PCDHGA5: variants seen among roughly 807,000 people sequenced by gnomAD.
The protein encoded by PCDHGA5 is protocadherin gamma-A5.
PCDHGA5 carries 36 observed loss-of-function variants against 56.7 expected under a neutral mutation model. The observed-to-expected ratio is 0.64, with a 90% CI of 0.49 to 0.84. The LOEUF (loss-of-function observed/expected upper bound fraction) is 0.84, where lower values mean the gene tolerates loss of function less well. Ranked by LOEUF, PCDHGA5 falls within the 40% of genes least tolerant of loss-of-function variation. PCDHGA5 has a pLI of 0.00. For missense variants in PCDHGA5, 1,305 were observed against 1,201.5 expected, an observed-to-expected ratio of 1.09 and a Z score of -1.27; for synonymous variants, 563 against 520.2, an observed-to-expected ratio of 1.08 and a Z score of -1.12.
intron 1 of PCDHGA5, chr5:141,415,818 A>G: frequency 2.3e-6 from 3 of 1,325,056 alleles, no homozygotes; most frequent in Middle Eastern, 2.8e-4. Context: ...CCTATATATC[A>G]TAAGGCTTTG....
At chr5:141,435,902 A>G (rs896786345) in intron 1 of PCDHGA5, among the ~76,000 whole-genome samples, 1 of 152,194 alleles carries the variant, frequency 6.6e-6, no homozygotes, top group Non-Finnish European at 1.5e-5. Flanking sequence ...AATGAAAGAC[A>G]TCCAAGGGCT....
At chr5:141,404,215 G>T (rs1372288822) in intron 1 of PCDHGA5, 15 of 1,613,346 alleles carry the variant, frequency 9.3e-6, no homozygotes, top group Non-Finnish European at 1.3e-5. Context: ...ATAATATCAC[G>T]GTGACTGCAA....
At chr5:141,410,338 C>T (rs1050053577) in intron 1 of PCDHGA5, 35 of 1,613,900 alleles carry the variant, frequency 2.2e-5, no homozygotes, top group Non-Finnish European at 2.2e-5. Context: ...TGGCCATTGC[C>T]TTGCGCCTGC....
intron 1 of PCDHGA5, chr5:141,393,825 G>C: frequency 6.2e-7 from 1 of 1,613,964 alleles, no homozygotes; most frequent in Non-Finnish European, 8.5e-7. Flanking sequence ...CATTTCGGTG[G>C]AAGATGTAAA....
chr5:141,366,097 C>G lies in PCDHGA5; in HGVS notation c.1767C>G (p.Thr589=). 1.2e-6 allele frequency: 2 copies of G among 1,614,240 alleles called. No individual in the cohort carries two copies. The highest frequency in any genetic ancestry group is 1.3e-5 in the African/African-American group (1 of 75,080). Residue 589 remains threonine (T), a synonymous_variant, in exon 1 of 4, where the codon ACC becomes ACG. Transcript: ENST00000518069. ...PRSAEPGYLV[T]KVVAVDKDSG... ...CCGCAGAACCTGGCTACCTGGTGAC[C>G]AAGGTGGTAGCGGTGGACAAAGATT...
chr5:141,491,131 G>A lies in PCDHGA5; in HGVS notation c.2422-3676G>A. 1 of 1,614,182 alleles carries A rather than the reference G, an allele frequency of 6.2e-7. No individual in the cohort carries two copies. Among genetic ancestry groups the A allele is most frequent in the Non-Finnish European group, 8.5e-7 (1 of 1,180,008 alleles). ...TACACACACTGGTGAGGTGCGCACA[G>A]CCCGGGCCTTACTGGAGGATGACTC... On this transcript the variant is annotated intron_variant, in intron 1 of 3. Coordinates refer to ENST00000518069, the MANE Select transcript of PCDHGA5 (RefSeq NM_018918.3). This position sits in a 1 kb window ranked among gnomAD's most constrained non-coding sequence, Gnocchi z 6.9.
rs760070878 is a variant in PCDHGA5, at chr5:141,490,862, C to T, written c.2422-3945C>T. On this transcript the variant is annotated intron_variant, in intron 1 of 3. Coordinates refer to ENST00000518069, the MANE Select transcript of PCDHGA5 (RefSeq NM_018918.3). This position sits in a 1 kb window ranked among gnomAD's most constrained non-coding sequence, Gnocchi z 5.4. ...GTGGTGGGGGTTCGAGACTCCGGCTCTCCCCCATTGCATGCCAACACATCT... is the reference window on the plus strand; with the variant it reads ...GTGGTGGGGGTTCGAGACTCCGGCTTTCCCCCATTGCATGCCAACACATCT... 2.0e-5 allele frequency: 33 copies of T among 1,613,878 alleles called. No individual in the cohort carries two copies. Among genetic ancestry groups the T allele is most frequent in the Non-Finnish European group, 2.8e-5 (33 of 1,179,920 alleles).
At position 141,404,477 on chromosome 5, in the gene PCDHGA5, T is replaced by C. The variant is rs750187565; in HGVS notation, c.2421+37726T>C. On this transcript the variant is annotated intron_variant, in intron 1 of 3. Coordinates refer to ENST00000518069, the MANE Select transcript of PCDHGA5 (RefSeq NM_018918.3). ...TCTCTCCACCTATGTCTCTATTAAC[T>C]CAGACACTGGTGTGCTGTATGCTCT... is the stretch of plus-strand genomic sequence containing the variant. The C allele has an allele frequency of 3.1e-6, 5 of 1,613,408 alleles. No individual in the cohort carries two copies. In the South Asian group the frequency reaches 4.4e-5, roughly 14 times the overall value.
At chr5:141,383,101 T>G (rs1561594429) in intron 1 of PCDHGA5, 2 of 1,613,954 alleles carry the variant, frequency 1.2e-6, no homozygotes, top group Non-Finnish European at 1.7e-6. Flanking sequence ...CCGCATCATC[T>G]CCAGAGGTAG....
chr5:141,402,098 C>G (rs2094224797), intron 1 of PCDHGA5, among the ~76,000 whole-genome samples: 1 of 152,048 alleles, frequency 6.6e-6, no homozygotes, highest in Non-Finnish European at 1.5e-5. Context: ...AAAGTTTAAG[C>G]AATTACAAAA....
intron 1 of PCDHGA5, chr5:141,421,203 G>A (rs779780797): frequency 2.6e-6 from 4 of 1,522,494 alleles, no homozygotes; most frequent in African/African-American, 1.4e-5. Context: ...TCGAGAAACC[G>A]CGGAATATCG....
intron 1 of PCDHGA5, among the ~76,000 whole-genome samples, chr5:141,484,096 G>T (rs539388257): frequency 6.6e-6 from 1 of 152,244 alleles, no homozygotes; most frequent in Non-Finnish European, 1.5e-5. Flanking sequence ...GTCTTCGTTG[G>T]TAATTAACAA....
At chr5:141,393,307 A>C (rs1394490963) in intron 1 of PCDHGA5, 3 of 1,613,594 alleles carry the variant, frequency 1.9e-6, no homozygotes, top group South Asian at 2.2e-5. Context: ...GTGGGCGTGA[A>C]CTCCCTCCAG....
intron 1 of PCDHGA5, chr5:141,374,330 A>T: frequency 6.2e-7 from 1 of 1,613,990 alleles, no homozygotes; most frequent in Non-Finnish European, 8.5e-7. Flanking sequence ...GCGAAACGGC[A>T]GCTTGGTCAC....
rs769633110 is a variant in PCDHGA5 at position 141,374,076 on chromosome 5, A to G, written c.2421+7325A>G. The G allele has an allele frequency of 3.3e-6, 5 of 1,514,538 alleles. No homozygotes were observed. The Admixed American group carries it at 9.2e-5, about 28-fold the overall frequency. 93.8% of individuals were successfully genotyped at this position (1,514,538 alleles called of 1,614,324 possible). A position where few individuals can be genotyped will look rare whatever the true frequency, so the allele number is the denominator to read the frequency against. ...CTTAATCCCAGAGAAGTTCCTAATA[A>G]GCCAGTAATGGCGCCTCCGCAGAGG... On this transcript the variant is annotated intron_variant, in intron 1 of 3. Coordinates refer to ENST00000518069, the MANE Select transcript of PCDHGA5 (RefSeq NM_018918.3).
At chr5:141,437,896 C>T (rs943440712) in intron 1 of PCDHGA5, among the ~76,000 whole-genome samples, 2 of 152,128 alleles carry the variant, frequency 1.3e-5, no homozygotes, top group African/African-American at 4.8e-5. Flanking sequence ...CGCCACCACA[C>T]CCAGCTAATT....
intron 1 of PCDHGA5, chr5:141,382,950 C>T: frequency 6.2e-7 from 1 of 1,600,458 alleles, no homozygotes; most frequent in African/African-American, 1.3e-5. Context: ...TCCTGCTCTC[C>T]ATCCTCCTGG....
chr5:141,509,207 A>C (rs1263006059), intron 3 of PCDHGA5, among the ~76,000 whole-genome samples: 2 of 151,694 alleles, frequency 1.3e-5, no homozygotes, highest in Non-Finnish European at 2.9e-5. Context: ...CTGTCTCTCT[A>C]TTTCTCAATC....
rs777487681 is a variant in PCDHGA5, at chr5:141,432,809, T to C, written c.2422-61998T>C. 2.5e-6 allele frequency: 4 copies of C among 1,613,280 alleles called. No individual in the cohort carries two copies. In the African/African-American group the frequency reaches 5.4e-5, roughly 22 times the overall value. The stretch of plus-strand genomic sequence containing the variant: ...CGGCAGCCTCGAGTCTCCAGCTAAC[T>C]CTGAAACCTCAGACCTCACTCTGTA... On this transcript the variant is annotated intron_variant, in intron 1 of 3. Coordinates refer to ENST00000518069, the MANE Select transcript of PCDHGA5 (RefSeq NM_018918.3). The surrounding 1 kb of genome is among the most constrained non-coding windows in gnomAD (Gnocchi z 6.0).
Sources: allele counts gnomAD v4.1 joint callset (sites outside exome capture counted in the v4.1 genomes callset), GRCh38; gene constraint gnomAD v4.1.1; non-coding constraint Gnocchi (gnomAD v3.1); transcripts MANE v1.5; gene names NCBI Gene and HGNC (gene_info 2026-07-23, HGNC 2026-07-21).